The following TFDP2 variants were observed in gnomAD, a reference collection of about 807,000 sequenced individuals.
TFDP2 encodes the protein transcription factor Dp-2 (E2F dimerization partner 2).
A neutral mutation model predicts 59.3 loss-of-function variants in TFDP2; 17 were observed. That is an observed-to-expected ratio of 0.29 (90% CI 0.20 to 0.43). The LOEUF (loss-of-function observed/expected upper bound fraction) is 0.43, where lower values mean the gene tolerates loss of function less well. Among genes scored for constraint, TFDP2 ranks in the 20% least tolerant of loss-of-function variants. The probability of loss-of-function intolerance (pLI) is 1.00; values close to 1 mark genes in which losing one functional copy is unlikely to be tolerated. For synonymous variants in TFDP2, 180 were observed against 194.7 expected (o/e 0.92, Z 0.63); for missense variants, 391 against 528.8 (o/e 0.74, Z 2.56).
At chr3:142,096,011 T>C (rs1184831776) in intron 2 of TFDP2, among the ~76,000 whole-genome samples, 1 of 152,190 alleles carries the variant, frequency 6.6e-6, no homozygotes, top group African/African-American at 2.4e-5. Flanking sequence ...GAGAGTTCAG[T>C]TACTGGGTTA....
intron 1 of TFDP2, among the ~76,000 whole-genome samples, chr3:142,116,324 C>G (rs1367411293): frequency 6.6e-6 from 1 of 152,158 alleles, no homozygotes; most frequent in East Asian, 1.9e-4. Context: ...CTCAGCCTTC[C>G]AAAGTGCTGG....
At chr3:142,040,209 T>C (rs1025303554) in intron 3 of TFDP2, among the ~76,000 whole-genome samples, 1 of 152,140 alleles carries the variant, frequency 6.6e-6, no homozygotes, top group African/African-American at 2.4e-5. Flanking sequence ...ATGTTGGAAA[T>C]ATCAGGGGCT....
Position 141,978,698 on chromosome 3 carries a change from G to T in TFDP2, c.357-16C>A. ...GCTTCGTTTACTAGAAGGGAAAAAA[G>T]TTTTTTTTACTCCATTATACATATT... On this transcript the variant is annotated splice_polypyrimidine_tract_variant and intron_variant, in intron 6 of 12. Coordinates refer to ENST00000489671, the MANE Select transcript of TFDP2 (RefSeq NM_001178139.2). The T allele has an allele frequency of 6.3e-7, 1 of 1,582,430 alleles. No homozygotes were observed. The highest frequency in any genetic ancestry group is 2.3e-5 in the East Asian group (1 of 44,344).
intron 3 of TFDP2, chr3:142,028,579 C>CTAGG (rs1467323838): frequency 1.0e-5 from 10 of 985,362 alleles, no homozygotes; most frequent in Non-Finnish European, 7.2e-6. Context: ...TCTCTCTTAC[C>CTAGG]TGGTCTAAGG....
chr3:142,020,957 T>A (rs1560046170), intron 3 of TFDP2, among the ~76,000 whole-genome samples: 2 of 151,056 alleles, frequency 1.3e-5, no homozygotes, highest in Non-Finnish European at 2.9e-5. Context: ...TGCACTCCCA[T>A]CTGGGTGACA....
chr3:142,028,578 C>T, intron 3 of TFDP2: 3 of 985,354 alleles, frequency 3.0e-6, no homozygotes, highest in South Asian at 9.4e-5. Flanking sequence ...ATCTCTCTTA[C>T]CTGGTCTAAG....
In TFDP2 at chr3:141,978,622, C is replaced by T. The variant is rs756278312; in HGVS notation, c.417G>A (p.Val139=). Residue 139 remains valine (V), a synonymous_variant, in exon 7 of 13, where the codon GTG becomes GTA. Transcript: ENST00000489671. ...GKGLRHFSMK[V]CEKVQRKGTT... is the part of the protein sequence containing the mutation. ...TACCTTTTCGTTGAACTTTCTCACA[C>T]ACTTTCATTGAAAAGTGTCTCAAGC... 6.2e-7 allele frequency: 1 copy of T among 1,613,542 alleles called. No homozygotes were observed. The highest frequency in any genetic ancestry group is 2.2e-5 in the East Asian group (1 of 44,836).
At chr3:142,059,544 G>A (rs1053453100) in intron 3 of TFDP2, among the ~76,000 whole-genome samples, 6 of 152,084 alleles carry the variant, frequency 3.9e-5, no homozygotes, top group African/African-American at 1.4e-4. Context: ...TAGGATAACA[G>A]ATGCTATTGA....
At chr3:142,039,516 T>C (rs1427674933) in intron 3 of TFDP2, among the ~76,000 whole-genome samples, 3 of 152,074 alleles carry the variant, frequency 2.0e-5, no homozygotes, top group Non-Finnish European at 2.9e-5. Context: ...ACATACCCTA[T>C]TGCTGCTGGG....
chr3:142,056,361 G>A (rs1218445233), intron 3 of TFDP2, among the ~76,000 whole-genome samples: 5 of 150,032 alleles, frequency 3.3e-5, no homozygotes, highest in Non-Finnish European at 7.4e-5. Flanking sequence ...TTTCACCCTA[G>A]TGGGAAGATA....
intron 6 of TFDP2, among the ~76,000 whole-genome samples, chr3:141,981,348 G>A (rs1941466949): frequency 6.6e-6 from 1 of 152,144 alleles, no homozygotes. Flanking sequence ...CATTGATGAT[G>A]TTCACACAAC....
rs1243617477 is a variant in TFDP2, at chr3:141,969,041, G to T, written c.732+1032C>A. Among the ~76,000 whole-genome samples, 70 of 72,128 alleles carry T rather than the reference G, an allele frequency of 9.7e-4. 1 individual carries two copies. Among genetic ancestry groups the T allele is most frequent in the East Asian group, 2.9e-3 (8 of 2,780 alleles). 47.3% of individuals were successfully genotyped at this position (72,128 alleles called of 152,430 possible). A position where few individuals can be genotyped will look rare whatever the true frequency, so the allele number is the denominator to read the frequency against. ...ATATATAACATATATCTCATATATAGATATATATATAACATATATATCTCA... is the reference window on the plus strand; with the variant it reads ...ATATATAACATATATCTCATATATATATATATATATAACATATATATCTCA... On this transcript the variant is annotated intron_variant, in intron 9 of 12. Coordinates refer to ENST00000489671, the MANE Select transcript of TFDP2 (RefSeq NM_001178139.2).
chr3:141,993,037 G>A (rs904590000), intron 6 of TFDP2, among the ~76,000 whole-genome samples: 2 of 151,336 alleles, frequency 1.3e-5, no homozygotes, highest in Non-Finnish European at 2.9e-5. Context: ...ATTTATAAAT[G>A]TTTTAAGAAA....
chr3:142,149,288 GC>G lies in TFDP2; in HGVS notation c.-199del. On this transcript the variant is annotated 5_prime_UTR_variant, in exon 1 of 13. Coordinates refer to ENST00000489671, the MANE Select transcript of TFDP2 (RefSeq NM_001178139.2). The stretch of plus-strand genomic sequence containing the variant: ...CTGTGGCGCCCGCGCTTAGGCGGCG[GC>G]CGGGTCCCGGTGGACTCACACCCGG... The G allele has an allele frequency of 2.5e-6, 1 of 396,174 alleles. No homozygotes were observed. The highest frequency in any genetic ancestry group is 3.6e-5 in the East Asian group (1 of 27,940). 24.5% of individuals were successfully genotyped at this position (396,174 alleles called of 1,614,324 possible).
rs1294897181 is a variant in TFDP2, at chr3:141,944,832, AAAT to A, written c.*7678_*7680del. The A allele has an allele frequency of 1.3e-5, 2 of 152,226 alleles. No individual in the cohort carries two copies. Among genetic ancestry groups the A allele is most frequent in the Non-Finnish European group, 2.9e-5 (2 of 68,044 alleles). The allele number at this position is 152,226 out of a possible 1,614,324, so 9.4% of individuals were successfully genotyped here. ...GCTCTTCTATAAAATTTCCATATAAAAATAATGGCATTTATTTACAAAGTCTGA... is the reference window on the plus strand; with the variant it reads ...GCTCTTCTATAAAATTTCCATATAAAAATGGCATTTATTTACAAAGTCTGA... On this transcript the variant is annotated 3_prime_UTR_variant, in exon 13 of 13. Transcript: ENST00000489671.
intron 3 of TFDP2, among the ~76,000 whole-genome samples, chr3:142,031,578 G>A (rs1239589861): frequency 6.6e-6 from 1 of 152,122 alleles, no homozygotes; most frequent in African/African-American, 2.4e-5. Context: ...CCACTCAGAT[G>A]ATAAAAATGC....
intron 3 of TFDP2, chr3:142,028,986 AT>A (rs1464209027): frequency 2.6e-5 from 4 of 152,854 alleles, no homozygotes; most frequent in Middle Eastern, 6.8e-3. Flanking sequence ...ACAAGTTAAC[AT>A]TTTTCTAAAT....
chr3:141,964,968 G>T (rs1937727514), intron 9 of TFDP2, among the ~76,000 whole-genome samples: 1 of 152,098 alleles, frequency 6.6e-6, no homozygotes, highest in Admixed American at 6.6e-5. Flanking sequence ...CAAAGAAAGT[G>T]ATCTCCCTTT....
At chr3:142,032,205 T>C (rs1314717766) in intron 3 of TFDP2, among the ~76,000 whole-genome samples, 1 of 152,022 alleles carries the variant, frequency 6.6e-6, no homozygotes, top group Non-Finnish European at 1.5e-5. Context: ...TGGGCTCAGG[T>C]GATCCCTCCC....
Sources: gnomAD v4.1 joint callset for allele counts (sites outside exome capture counted in the v4.1 genomes callset) on GRCh38, gnomAD v4.1.1 for gene constraint, MANE v1.5 for transcripts, NCBI Gene and HGNC (gene_info 2026-07-23, HGNC 2026-07-21) for gene names.